COL24A1: variants seen among roughly 807,000 people sequenced by gnomAD.
COL24A1 encodes collagen type XXIV alpha 1 chain, also known as collagen alpha-1(XXIV) chain.
Under a neutral mutation model 253.9 loss-of-function variants are expected in COL24A1, and 224 were observed. The observed-to-expected ratio is 0.88, with a 90% confidence interval of 0.79 to 0.99. The LOEUF (loss-of-function observed/expected upper bound fraction) is 0.99, where lower values mean the gene tolerates loss of function less well. COL24A1 is among the 50% of genes least tolerant of loss of function. COL24A1 has a pLI of 0.00. For missense variants in COL24A1, 2,131 were observed against 2,068.5 expected, an observed-to-expected ratio of 1.03 and a Z score of -0.59; for synonymous variants, 685 against 673.7, an observed-to-expected ratio of 1.02 and a Z score of -0.26.
chr1:85,748,434 A>C (rs1206862266), intron 55 of COL24A1, among the ~76,000 whole-genome samples: 3 of 152,224 alleles, frequency 2.0e-5, no homozygotes, highest in African/African-American at 7.2e-5. Flanking sequence ...GGAGACAGCA[A>C]AAGTGGTGGA....
chr1:85,733,511 A>T (rs1297196157), intron 59 of COL24A1, among the ~76,000 whole-genome samples: 2 of 152,226 alleles, frequency 1.3e-5, no homozygotes, highest in African/African-American at 4.8e-5. Flanking sequence ...TCTGTTGAAC[A>T]TAGTTTGCCA....
At chr1:85,840,815 A>G (rs1676529246) in intron 42 of COL24A1, among the ~76,000 whole-genome samples, 1 of 152,124 alleles carries the variant, frequency 6.6e-6, no homozygotes, top group African/African-American at 2.4e-5. Context: ...TCACTTGGCA[A>G]CTGTGTGTAA....
chr1:85,875,302 C>A lies in COL24A1; in HGVS notation c.3059G>T (p.Gly1020Val). 6.2e-7 allele frequency: 1 copy of A among 1,613,814 alleles called. No individual in the cohort carries two copies. The highest frequency in any genetic ancestry group is 8.5e-7 in the Non-Finnish European group (1 of 1,179,840). Reference protein sequence around the residue: ...EGPPGTEGESGLQGEPGAKGD... With the variant: ...EGPPGTEGESVLQGEPGAKGD... The stretch of plus-strand genomic sequence containing the variant: ...CTTTGCACCTGGTTCACCTTGCAGA[C>A]CAGACTCTCCCTCAGTGCCTGGAGG... Residue 1020 changes from glycine to valine, a missense_variant, in exon 34 of 60, where the codon GGT becomes GTT. Gly to Val is a moderately radical substitution (Grantham distance 109). Transcript: ENST00000370571.
At chr1:85,820,815 G>T (rs978941881) in intron 45 of COL24A1, among the ~76,000 whole-genome samples, 2 of 152,166 alleles carry the variant, frequency 1.3e-5, no homozygotes, top group African/African-American at 4.8e-5. Flanking sequence ...ATTTTGAAAG[G>T]CTTCTGTTCA....
intron 5 of COL24A1, among the ~76,000 whole-genome samples, chr1:86,104,719 TC>T (rs1704786548): frequency 6.6e-6 from 1 of 152,216 alleles, no homozygotes; most frequent in Admixed American, 6.5e-5. Flanking sequence ...GACTTTGTTC[TC>T]TGGCCCTTCA....
intron 24 of COL24A1, chr1:85,960,922 T>TAAATA (rs1553243176): frequency 1.9e-5 from 3 of 154,336 alleles, no homozygotes; most frequent in African/African-American, 2.7e-5. Flanking sequence ...AATAAATAAA[T>TAAATA]AAATAAAATA....
chr1:86,149,419 A>G (rs1652418019), intron 1 of COL24A1, among the ~76,000 whole-genome samples: 1 of 152,234 alleles, frequency 6.6e-6, no homozygotes, highest in Non-Finnish European at 1.5e-5. Context: ...TTTACCTTTC[A>G]AATTTATGTT....
intron 3 of COL24A1, among the ~76,000 whole-genome samples, chr1:86,116,506 G>C (rs1706154541): frequency 6.6e-6 from 1 of 152,038 alleles, no homozygotes; most frequent in South Asian, 2.1e-4. Context: ...TCTGCAGCAT[G>C]GCCAGGTACA....
chr1:85,877,038 G>A (rs1332638518), intron 33 of COL24A1, 84 bp downstream of exon 33: 3 of 915,476 alleles, frequency 3.3e-6, no homozygotes, highest in Non-Finnish European at 5.0e-6. Context: ...ATTCCTCATA[G>A]TATATATTTA....
In COL24A1 at chr1:85,868,529, G is replaced by C. The variant is rs200638964; in HGVS notation, c.3290C>G (p.Thr1097Arg). The C allele has an allele frequency of 1.2e-6, 2 of 1,612,932 alleles. No homozygotes were observed. The highest frequency in any genetic ancestry group is 2.2e-5 in the South Asian group (2 of 91,050). Residue 1097 changes from threonine to arginine, a missense_variant, in exon 37 of 60, where the codon ACA becomes AGA. Coordinates refer to ENST00000370571, the MANE Select transcript of COL24A1 (RefSeq NM_152890.7). ...IIGPLGRSGQ[T>R]GLPGPEGIVG... ...CCCAGCAGTACTTACCGGAAGGCCT[G>C]TTTGGCCTGATCTACCCAAGGGTCC...
At chr1:86,008,145 A>G (rs78287012) in intron 19 of COL24A1, among the ~76,000 whole-genome samples, 341 of 152,370 alleles carry the variant, frequency 2.2e-3, no homozygotes, top group African/African-American at 7.8e-3. Flanking sequence ...ATACATAATT[A>G]TCTCCATACA....
rs541392757 is a variant in COL24A1, at chr1:85,754,787, G to GA, written c.4437+6608dup. Reference sequence around the variant, plus strand: ...TTGAGATTATCCTGTTTGAGGAGTGGAAAAAAAAATGAAGAAAAGTGAACA... The same window carrying GA: ...TTGAGATTATCCTGTTTGAGGAGTGGAAAAAAAAAATGAAGAAAAGTGAACA... On this transcript the variant is annotated intron_variant, in intron 55 of 59. Transcript: ENST00000370571. Among the ~76,000 whole-genome samples, 1,399 of 149,900 alleles carry GA rather than the reference G, an allele frequency of 9.3e-3. 56 individuals carry two copies. The highest frequency in any genetic ancestry group is 0.063 in the Admixed American group (944 of 15,044).
intron 39 of COL24A1, among the ~76,000 whole-genome samples, chr1:85,846,301 A>C (rs1424580928): frequency 6.6e-6 from 1 of 151,848 alleles, no homozygotes; most frequent in African/African-American, 2.4e-5. Flanking sequence ...TATTAGAAGA[A>C]TATGGAAGAA....
chr1:86,115,608 G>C (rs932316950), intron 3 of COL24A1, among the ~76,000 whole-genome samples: 5 of 152,156 alleles, frequency 3.3e-5, no homozygotes, highest in Non-Finnish European at 7.4e-5. Context: ...TATGACTTAT[G>C]GTTACAGCCA....
intron 3 of COL24A1, among the ~76,000 whole-genome samples, chr1:86,124,041 C>G (rs1273900362): frequency 6.6e-6 from 1 of 151,694 alleles, no homozygotes; most frequent in Admixed American, 6.6e-5. Context: ...AAATATGAAG[C>G]ATAAAAAGAA....
intron 12 of COL24A1, among the ~76,000 whole-genome samples, chr1:86,045,513 A>T (rs1431103105): frequency 6.6e-6 from 1 of 152,206 alleles, no homozygotes; most frequent in Admixed American, 6.5e-5. Context: ...TACCCAATAA[A>T]TAGAAAGGTA....
intron 53 of COL24A1, among the ~76,000 whole-genome samples, chr1:85,764,595 G>A (rs1166519463): frequency 6.6e-6 from 1 of 151,826 alleles, no homozygotes; most frequent in Non-Finnish European, 1.5e-5. Context: ...TTGGGAATCT[G>A]GGCTCTGGTT....
chr1:85,830,914 G>A (rs1302019864), intron 43 of COL24A1, among the ~76,000 whole-genome samples: 2 of 152,124 alleles, frequency 1.3e-5, no homozygotes, highest in Non-Finnish European at 2.9e-5. Context: ...CTGTAGACCG[G>A]AGCTGTTCTT....
intron 24 of COL24A1, among the ~76,000 whole-genome samples, chr1:85,937,731 T>C (rs1688358908): frequency 6.8e-6 from 1 of 147,434 alleles, no homozygotes; most frequent in African/African-American, 2.5e-5. Flanking sequence ...AGAACCATAT[T>C]AAGCCCACAA....
Sources: gnomAD v4.1 joint callset for allele counts (sites outside exome capture counted in the v4.1 genomes callset) on GRCh38, gnomAD v4.1.1 for gene constraint, MANE v1.5 for transcripts, NCBI Gene and HGNC (gene_info 2026-07-23, HGNC 2026-07-21) for gene names.